ADGRL3: variants seen among roughly 807,000 people sequenced by gnomAD.
The protein encoded by ADGRL3 is adhesion G protein-coupled receptor L3, also known as calcium-independent alpha-latrotoxin receptor 3.
In ADGRL3, 62 loss-of-function variants were observed where a neutral mutation model predicts 153.5. That is an observed-to-expected ratio of 0.40 (90% CI 0.33 to 0.50). The LOEUF (loss-of-function observed/expected upper bound fraction) is 0.50, where lower values mean the gene tolerates loss of function less well. Among genes scored for constraint, ADGRL3 ranks in the 20% least tolerant of loss-of-function variants. The pLI is 0.47. For synonymous variants in ADGRL3, 710 were observed against 672.5 expected, an observed-to-expected ratio of 1.06 and a Z score of -0.86; for missense variants, 1,641 against 1,859.4, an observed-to-expected ratio of 0.88 and a Z score of 2.16.
At chr4:61,727,516 C>T (rs1031580801) in intron 6 of ADGRL3, among the ~76,000 whole-genome samples, 1 of 151,936 alleles carries the variant, frequency 6.6e-6, no homozygotes, top group African/African-American at 2.4e-5. Flanking sequence ...TGAAAAAGGC[C>T]CTTGCACAGT....
At chr4:61,680,347 A>G (rs1221037907) in intron 6 of ADGRL3, among the ~76,000 whole-genome samples, 1 of 151,306 alleles carries the variant, frequency 6.6e-6, no homozygotes, top group African/African-American at 2.4e-5. Context: ...CTATTTATGA[A>G]TGTTTCATTC....
chr4:61,826,360 C>T (rs2097801014), intron 9 of ADGRL3, among the ~76,000 whole-genome samples: 1 of 152,096 alleles, frequency 6.6e-6, no homozygotes, highest in African/African-American at 2.4e-5. Flanking sequence ...CTAAGTAAGG[C>T]CTCCTATTTG....
intron 1 of ADGRL3, among the ~76,000 whole-genome samples, chr4:61,300,768 C>CT (rs1239709667): frequency 0.014 from 405 of 28,970 alleles, 3 homozygotes; most frequent in Middle Eastern, 0.04. Context: ...TTCTTTCTTT[C>CT]TTTTTTTTTT....
At chr4:61,675,695 T>G (rs1281017033) in intron 5 of ADGRL3, among the ~76,000 whole-genome samples, 1 of 143,188 alleles carries the variant, frequency 7.0e-6, no homozygotes, top group East Asian at 2.1e-4. Context: ...ATAGTCAATG[T>G]GTATATTCAT....
At chr4:61,904,981 TTAATAA>T (rs1278386633) in intron 11 of ADGRL3, among the ~76,000 whole-genome samples, 7 of 152,134 alleles carry the variant, frequency 4.6e-5, no homozygotes, top group South Asian at 2.1e-4. Context: ...AGAAGGAAAC[TTAATAA>T]TAATAACAAC....
intron 1 of ADGRL3, among the ~76,000 whole-genome samples, chr4:61,294,488 G>T (rs2094335466): frequency 6.6e-6 from 1 of 152,072 alleles, no homozygotes; most frequent in South Asian, 2.1e-4. Flanking sequence ...CTTAGGCTGG[G>T]TTTATTGGGA....
intron 15 of ADGRL3, among the ~76,000 whole-genome samples, chr4:61,939,590 C>T (rs1424624908): frequency 6.6e-6 from 1 of 152,078 alleles, no homozygotes; most frequent in African/African-American, 2.4e-5. Context: ...CTGCCTCAGC[C>T]TCCTGAGTAG....
chr4:61,691,657 T>C (rs1376674674), intron 6 of ADGRL3, among the ~76,000 whole-genome samples: 1 of 152,170 alleles, frequency 6.6e-6, no homozygotes, highest in Non-Finnish European at 1.5e-5. Context: ...TTTAACAAAG[T>C]CTATCTAATA....
At chr4:61,969,881 A>G (rs2099020611) in intron 17 of ADGRL3, among the ~76,000 whole-genome samples, 1 of 152,126 alleles carries the variant, frequency 6.6e-6, no homozygotes, top group Non-Finnish European at 1.5e-5. Flanking sequence ...TGCAGCCTCC[A>G]TTTTCTACGT....
intron 1 of ADGRL3, among the ~76,000 whole-genome samples, chr4:61,244,053 G>A (rs1756072176): frequency 6.6e-6 from 1 of 151,898 alleles, no homozygotes; most frequent in Admixed American, 6.6e-5. Context: ...TGTTGCTATC[G>A]GGTCTACCTA....
In ADGRL3 at chr4:61,863,399, G is replaced by A. The variant is rs1025077664; in HGVS notation, c.1481-29257G>A. 4.0e-5 allele frequency among the ~76,000 whole-genome samples: 6 copies of A among 151,294 alleles called. No individual in the cohort carries two copies. The East Asian group carries it at 9.8e-4, about 25-fold the overall frequency. ...ACTACAGGCGCCCGCCACTACGCCC[G>A]GCTAATTTTTTGTATTTTTAGTAGA... On this transcript the variant is annotated intron_variant, in intron 9 of 26. Transcript: ENST00000683033.
chr4:61,686,994 A>G (rs2095457675), intron 6 of ADGRL3, among the ~76,000 whole-genome samples: 1 of 152,078 alleles, frequency 6.6e-6, no homozygotes, highest in Non-Finnish European at 1.5e-5. Flanking sequence ...TTATGTTTAA[A>G]TTTAACATGA....
At chr4:61,834,169 T>A (rs1350236973) in intron 9 of ADGRL3, among the ~76,000 whole-genome samples, 1 of 144,202 alleles carries the variant, frequency 6.9e-6, no homozygotes. Context: ...TGTCCATGTG[T>A]TCTCATTGTT....
At chr4:62,045,604 TTCATC>T in intron 25 of ADGRL3, among the ~76,000 whole-genome samples, 1 of 152,142 alleles carries the variant, frequency 6.6e-6, no homozygotes, top group Admixed American at 6.6e-5. Context: ...TCAAGTAAGT[TTCATC>T]TTATCTATAT....
chr4:61,314,715 C>G (rs2095143894), intron 1 of ADGRL3, among the ~76,000 whole-genome samples: 1 of 152,136 alleles, frequency 6.6e-6, no homozygotes. Context: ...TTGGCAATGC[C>G]TAGAGATACT....
At chr4:61,597,148 C>T (rs2098992406) in intron 5 of ADGRL3, among the ~76,000 whole-genome samples, 1 of 151,688 alleles carries the variant, frequency 6.6e-6, no homozygotes, top group Admixed American at 6.6e-5. Context: ...ACTATTAGTA[C>T]TATCAATCTT....
intron 1 of ADGRL3, among the ~76,000 whole-genome samples, chr4:61,268,250 A>G (rs1024238308): frequency 6.6e-6 from 1 of 151,594 alleles, no homozygotes; most frequent in East Asian, 1.9e-4. Flanking sequence ...ATTTTTTCCT[A>G]TTTTTAAAGG....
chr4:61,636,193 G>T (rs929434153), intron 5 of ADGRL3, among the ~76,000 whole-genome samples: 1 of 151,928 alleles, frequency 6.6e-6, no homozygotes, highest in Non-Finnish European at 1.5e-5. Context: ...ACTTCCCTCA[G>T]TCCTTATTTT....
In ADGRL3 at chr4:61,282,065, T is replaced by C. The variant is rs1007174527; in HGVS notation, c.-240+80300T>C. ...GTATAGAATGACTTCTGATTTTCCT[T>C]TCTGCTAATAGGGAATATTGTCATA... is the stretch of plus-strand genomic sequence containing the variant. On this transcript the variant is annotated intron_variant, in intron 1 of 26. Coordinates refer to ENST00000683033, the MANE Select transcript of ADGRL3 (RefSeq NM_001387552.1). 4.6e-5 allele frequency among the ~76,000 whole-genome samples: 7 copies of C among 152,132 alleles called. No individual in the cohort carries two copies. The East Asian group carries it at 1.4e-3, about 29-fold the overall frequency.
Sources: allele counts gnomAD v4.1 joint callset (sites outside exome capture counted in the v4.1 genomes callset), GRCh38; gene constraint gnomAD v4.1.1; transcripts MANE v1.5; gene names NCBI Gene and HGNC (gene_info 2026-07-23, HGNC 2026-07-21).